CACNA2D3: variants seen among roughly 807,000 people sequenced by gnomAD.
CACNA2D3 encodes the protein calcium voltage-gated channel auxiliary subunit alpha2delta 3, also known as voltage-dependent calcium channel subunit alpha-2/delta-3.
Under a neutral mutation model 160.6 loss-of-function variants are expected in CACNA2D3, and 60 were observed. The observed-to-expected ratio is 0.37, with a 90% CI of 0.30 to 0.46. The LOEUF is 0.46. CACNA2D3 is among the 20% of genes least tolerant of loss of function. CACNA2D3 has a pLI of 1.00. For missense variants in CACNA2D3, 1,205 were observed against 1,365.0 expected, an observed-to-expected ratio of 0.88 and a Z score of 1.85; for synonymous variants, 558 against 492.9, an observed-to-expected ratio of 1.13 and a Z score of -1.75.
intron 4 of CACNA2D3, among the ~76,000 whole-genome samples, chr3:54,438,831 A>G (rs1397378321): frequency 6.6e-6 from 1 of 152,184 alleles, no homozygotes; most frequent in Non-Finnish European, 1.5e-5. Context: ...GCTTTATATA[A>G]CACCAAAAGA....
chr3:54,986,689 C>T (rs1291965755), intron 30 of CACNA2D3, among the ~76,000 whole-genome samples: 9 of 152,286 alleles, frequency 5.9e-5, no homozygotes, highest in East Asian at 3.9e-4. Flanking sequence ...ACAAAGCCTA[C>T]GGAATATACA....
chr3:54,828,939 G>A (rs1369312793), intron 14 of CACNA2D3, among the ~76,000 whole-genome samples: 2 of 152,200 alleles, frequency 1.3e-5, no homozygotes, highest in South Asian at 2.1e-4. Flanking sequence ...CAAGTGAAAA[G>A]CAAGAGGACA....
intron 2 of CACNA2D3, among the ~76,000 whole-genome samples, chr3:54,135,594 T>C (rs2107259805): frequency 6.6e-6 from 1 of 152,320 alleles, no homozygotes; most frequent in South Asian, 2.1e-4. Flanking sequence ...GACTGAATAT[T>C]GTGTTGTGAG....
At chr3:54,468,191 A>G (rs1420064602) in intron 4 of CACNA2D3, among the ~76,000 whole-genome samples, 1 of 152,230 alleles carries the variant, frequency 6.6e-6, no homozygotes, top group Non-Finnish European at 1.5e-5. Context: ...AGCGAGATCA[A>G]CGTAGAAGGC....
rs1029475279 is a variant in CACNA2D3, at chr3:55,074,359, A to AACTC, written c.*154_*157dup. On this transcript the variant is annotated 3_prime_UTR_variant, in exon 38 of 38. Transcript: ENST00000474759. ...ATGATTTTAAACTGTGCGTGATATA[A>AACTC]ACTCTTAAAGATATGTTGACAAAAA... 8 of 642,056 alleles carry AACTC rather than the reference A, an allele frequency of 1.2e-5. No homozygotes were observed. Among genetic ancestry groups the AACTC allele is most frequent in the African/African-American group, 1.1e-4 (6 of 55,056 alleles). 39.8% of individuals were successfully genotyped at this position (642,056 alleles called of 1,614,324 possible). A position where few individuals can be genotyped will look rare whatever the true frequency, so the allele number is the denominator to read the frequency against.
At chr3:54,717,105 C>G (rs1701065055) in intron 11 of CACNA2D3, among the ~76,000 whole-genome samples, 1 of 152,076 alleles carries the variant, frequency 6.6e-6, no homozygotes, top group African/African-American at 2.4e-5. Flanking sequence ...AACATACTCT[C>G]TGGTGTCTGG....
intron 3 of CACNA2D3, among the ~76,000 whole-genome samples, chr3:54,367,276 G>A (rs1436952780): frequency 6.6e-6 from 1 of 152,148 alleles, no homozygotes; most frequent in Non-Finnish European, 1.5e-5. Flanking sequence ...CACTAAGGAA[G>A]ACTTTTCAGT....
chr3:54,786,008 A>AC (rs965018724), intron 13 of CACNA2D3, among the ~76,000 whole-genome samples: 6 of 151,982 alleles, frequency 3.9e-5, no homozygotes, highest in African/African-American at 1.5e-4. Context: ...GCACCCAGCC[A>AC]CCCTCTGCCA....
intron 2 of CACNA2D3, among the ~76,000 whole-genome samples, chr3:54,227,898 C>T (rs1413934143): frequency 6.6e-6 from 1 of 152,178 alleles, no homozygotes; most frequent in Non-Finnish European, 1.5e-5. Context: ...TGAAGCTTGA[C>T]AGAAGCTGTT....
At chr3:54,434,787 T>A (rs890129593) in intron 4 of CACNA2D3, among the ~76,000 whole-genome samples, 1 of 152,186 alleles carries the variant, frequency 6.6e-6, no homozygotes. Context: ...CAGGCCAGTT[T>A]CCAAGTGTTT....
intron 17 of CACNA2D3, among the ~76,000 whole-genome samples, chr3:54,862,378 TACACACAC>T (rs113055285): frequency 8.2e-4 from 123 of 149,608 alleles, no homozygotes; most frequent in Middle Eastern, 7.0e-3. Flanking sequence ...TAAATAAAAT[TACACACAC>T]ACACACACAC....
intron 29 of CACNA2D3, among the ~76,000 whole-genome samples, chr3:54,977,436 G>T (rs1575418167): frequency 6.6e-6 from 1 of 152,152 alleles, no homozygotes; most frequent in East Asian, 1.9e-4. Flanking sequence ...TAATCTATTT[G>T]CCTTGTACCT....
chr3:54,270,361 A>G (rs1216172029), intron 2 of CACNA2D3, among the ~76,000 whole-genome samples: 1 of 152,206 alleles, frequency 6.6e-6, no homozygotes, highest in African/African-American at 2.4e-5. Context: ...TGTTGCAGGA[A>G]TTAATCGACC....
chr3:54,611,171 T>G (rs1470293425), intron 9 of CACNA2D3, among the ~76,000 whole-genome samples: 1 of 152,208 alleles, frequency 6.6e-6, no homozygotes, highest in Non-Finnish European at 1.5e-5. Context: ...CTGAGCAAAG[T>G]GTGAATACAG....
At chr3:54,514,910 C>T (rs1382064495) in intron 5 of CACNA2D3, among the ~76,000 whole-genome samples, 1 of 152,182 alleles carries the variant, frequency 6.6e-6, no homozygotes, top group African/African-American at 2.4e-5. Context: ...TGTGCCATTG[C>T]ACTATCTACC....
At chr3:54,232,935 A>C (rs1701803123) in intron 2 of CACNA2D3, among the ~76,000 whole-genome samples, 1 of 152,166 alleles carries the variant, frequency 6.6e-6, no homozygotes, top group South Asian at 2.1e-4. Flanking sequence ...TGATTAGTTT[A>C]ACCCATCTCT....
chr3:54,778,071 T>A (rs776751907), intron 13 of CACNA2D3, among the ~76,000 whole-genome samples: 8 of 152,146 alleles, frequency 5.3e-5, no homozygotes, highest in Non-Finnish European at 1.0e-4. Context: ...CCAGTGAACA[T>A]CTCAGTCTTT....
intron 27 of CACNA2D3, chr3:54,918,203 A>G (rs941050): frequency 0.13 from 51,717 of 412,408 alleles, 3,449 homozygotes; most frequent in Middle Eastern, 0.17. Context: ...TTACCCCCAC[A>G]TAGAATCGTC....
intron 4 of CACNA2D3, among the ~76,000 whole-genome samples, chr3:54,418,202 A>G (rs1699785448): frequency 6.6e-6 from 1 of 152,212 alleles, no homozygotes; most frequent in Non-Finnish European, 1.5e-5. Context: ...AGTTGAAGAT[A>G]TTAATACTCA....
Sources: gnomAD v4.1 joint callset for allele counts (sites outside exome capture counted in the v4.1 genomes callset) on GRCh38, gnomAD v4.1.1 for gene constraint, MANE v1.5 for transcripts, NCBI Gene and HGNC (gene_info 2026-07-23, HGNC 2026-07-21) for gene names.